NAV2: variants seen among roughly 807,000 people sequenced by gnomAD.
The protein encoded by NAV2 is neuron navigator 2, also known as helicase, APC down-regulated 1.
NAV2 carries 54 observed loss-of-function variants against 223.2 expected under a neutral mutation model. The observed-to-expected ratio is 0.24, with a 90% CI of 0.19 to 0.30. The LOEUF is 0.30. NAV2 is among the 10% of genes least tolerant of loss of function. The pLI, the probability that NAV2 is intolerant of heterozygous loss-of-function variation, is 1.00. For synonymous variants in NAV2, 1,279 were observed against 1,239.3 expected, an observed-to-expected ratio of 1.03 and a Z score of -0.67; for missense variants, 2,806 against 3,147.5, an observed-to-expected ratio of 0.89 and a Z score of 2.60.
At chr11:19,434,496 G>A (rs1464835703) in intron 1 of NAV2, among the ~76,000 whole-genome samples, 1 of 152,206 alleles carries the variant, frequency 6.6e-6, no homozygotes, top group East Asian at 1.9e-4. Context: ...GTGTATCCTT[G>A]AGAAGAAGAA....
intron 6 of NAV2, among the ~76,000 whole-genome samples, chr11:19,904,539 T>A: frequency 6.6e-6 from 1 of 152,264 alleles, no homozygotes; most frequent in Middle Eastern, 3.4e-3. Context: ...ATTGTGCCCA[T>A]GATCCCCATT....
intron 10 of NAV2, among the ~76,000 whole-genome samples, chr11:19,960,964 T>C (rs765421982): frequency 1.1e-4 from 16 of 152,042 alleles, no homozygotes; most frequent in Non-Finnish European, 2.4e-4. Flanking sequence ...ATCTTCTTTC[T>C]CTACTCAGTG....
intron 1 of NAV2, among the ~76,000 whole-genome samples, chr11:19,496,575 C>T (rs1486774588): frequency 6.6e-6 from 1 of 152,116 alleles, no homozygotes; most frequent in African/African-American, 2.4e-5. Context: ...AGGCAGATGC[C>T]CCAGTGTATT....
In NAV2 at chr11:20,054,099, C is replaced by G. The variant is rs756420361; in HGVS notation, c.4501C>G (p.Leu1501Val). 1 of 1,612,626 alleles carries G rather than the reference C, an allele frequency of 6.2e-7. No individual in the cohort carries two copies. The change falls in exon 18 of 38, where the codon CTT (leucine) becomes GTT (valine). Residue 1501 changes from leucine to valine, a missense_variant. Leu to Val is a conservative substitution (Grantham distance 32). This residue lies in a region of NAV2 where 742 missense variants were observed against 777.9 expected (regional missense o/e 0.95). Coordinates refer to ENST00000349880, the MANE Select transcript of NAV2 (RefSeq NM_145117.5). ...GTCCAGGTATACTCCCACCTCCCAG[C>G]TTCGCACGCAAGAAGATGCAAAAGA... is the stretch of plus-strand genomic sequence containing the variant. ...KGLRYTPTSQ[L>V]RTQEDAKEWL...
At chr11:19,541,008 G>C (rs1284024168) in intron 1 of NAV2, among the ~76,000 whole-genome samples, 1 of 152,196 alleles carries the variant, frequency 6.6e-6, no homozygotes, top group Non-Finnish European at 1.5e-5. Flanking sequence ...AATCCTGCAG[G>C]AAAGAATCCT....
rs777225031 is a variant in NAV2 at position 20,048,958 on chromosome 11, C to A, written c.4133C>A (p.Pro1378His). 10 of 1,614,206 alleles carry A rather than the reference C, an allele frequency of 6.2e-6. No individual in the cohort carries two copies. The highest frequency in any genetic ancestry group is 6.8e-6 in the Non-Finnish European group (8 of 1,180,042). ...ASSPSSAHSA[P>H]SNSLTWGTNA... ...AGCCCCAGCTCAGCCCACTCGGCCC[C>A]TTCCAACAGCCTCACCTGGGGCACC... The change falls in exon 15 of 38, where the codon CCT becomes CAT. Residue 1378 changes from proline to histidine, a missense_variant. Around this residue, in one of 4 missense-constraint regions of NAV2, gnomAD observed 742 missense variants for 777.9 expected, o/e 0.95. Transcript: ENST00000349880.
At chr11:19,898,943 T>G (rs1214251815) in intron 6 of NAV2, among the ~76,000 whole-genome samples, 1 of 152,212 alleles carries the variant, frequency 6.6e-6, no homozygotes, top group African/African-American at 2.4e-5. Flanking sequence ...TGACAACCAG[T>G]TGCCTTAACA....
chr11:19,545,865 T>C (rs936876161), intron 1 of NAV2, among the ~76,000 whole-genome samples: 4 of 152,182 alleles, frequency 2.6e-5, no homozygotes, highest in Non-Finnish European at 2.9e-5. Flanking sequence ...AGCCAAAAGA[T>C]TGGACAACCC....
chr11:20,082,924 C>CT, intron 25 of NAV2, 83 bp from the exon 26 acceptor site: 1 of 1,324,498 alleles, frequency 7.6e-7, no homozygotes, highest in Non-Finnish European at 1.0e-6. Flanking sequence ...GAATTAATCG[C>CT]TTTTTTGTGT....
At chr11:20,083,206 C>T (rs370221459) in intron 26 of NAV2, 27 bp downstream of exon 26, 2 of 1,587,788 alleles carry the variant, frequency 1.3e-6, no homozygotes, top group Non-Finnish European at 1.7e-6. Flanking sequence ...AGTCAGATAA[C>T]ATCTTTGGCC....
chr11:20,001,689 A>G (rs184429569), intron 11 of NAV2, among the ~76,000 whole-genome samples: 258 of 101,402 alleles, frequency 2.5e-3, no homozygotes, highest in Middle Eastern at 8.5e-3. Context: ...GGAACATCAC[A>G]TACTGGGGCC....
intron 3 of NAV2, among the ~76,000 whole-genome samples, chr11:19,860,840 C>T (rs11025296): frequency 0.14 from 20,633 of 150,996 alleles, 664 homozygotes; most frequent in Middle Eastern, 0.16. Context: ...ACCAGCCCGG[C>T]CAACACAGCG....
chr11:20,044,631 G>C (rs996072814), intron 13 of NAV2, among the ~76,000 whole-genome samples: 1 of 152,156 alleles, frequency 6.6e-6, no homozygotes, highest in Admixed American at 6.5e-5. Context: ...AAGGGCAGAG[G>C]TATCCCCTGG....
intron 10 of NAV2, among the ~76,000 whole-genome samples, chr11:19,960,555 G>C (rs1259659476): frequency 6.6e-6 from 1 of 151,688 alleles, no homozygotes; most frequent in African/African-American, 2.4e-5. Flanking sequence ...AGTTGATGCT[G>C]TCCTGCATCC....
chr11:19,850,908 C>CTT (rs1466541909), intron 3 of NAV2, among the ~76,000 whole-genome samples: 1 of 152,160 alleles, frequency 6.6e-6, no homozygotes. Flanking sequence ...GAATGGAGAA[C>CTT]TTAGACCTTG....
intron 20 of NAV2, among the ~76,000 whole-genome samples, chr11:20,064,817 G>C (rs926669825): frequency 2.6e-5 from 4 of 152,158 alleles, no homozygotes; most frequent in African/African-American, 9.7e-5. Flanking sequence ...AGAGACCCGA[G>C]GTGTAATCAT....
chr11:19,552,621 C>T (rs907099071), intron 1 of NAV2, among the ~76,000 whole-genome samples: 2 of 152,206 alleles, frequency 1.3e-5, no homozygotes, highest in South Asian at 2.1e-4. Flanking sequence ...TAAGCGGAAC[C>T]ACTCTGTGAC....
chr11:20,098,573 T>G (rs2061432230), intron 31 of NAV2, among the ~76,000 whole-genome samples: 2 of 152,226 alleles, frequency 1.3e-5, no homozygotes, highest in African/African-American at 4.8e-5. Flanking sequence ...AGTTTTGCAG[T>G]TGTTTGATGC....
chr11:19,480,009 A>G (rs1408152053), intron 1 of NAV2, among the ~76,000 whole-genome samples: 1 of 152,188 alleles, frequency 6.6e-6, no homozygotes, highest in African/African-American at 2.4e-5. Flanking sequence ...CCTTTCATAT[A>G]CATATTGTCT....
Sources: gnomAD v4.1 joint callset for allele counts (sites outside exome capture counted in the v4.1 genomes callset) on GRCh38, gnomAD v4.1.1 for gene constraint, gnomAD v4.1.1 regional missense constraint, MANE v1.5 for transcripts, NCBI Gene and HGNC (gene_info 2026-07-23, HGNC 2026-07-21) for gene names.